The following DPY19L2 variants were observed in gnomAD, a reference collection of about 807,000 sequenced individuals.
DPY19L2 encodes the protein probable C-mannosyltransferase DPY19L2.
Under a neutral mutation model 97.9 loss-of-function variants are expected in DPY19L2, and 34 were observed. The observed-to-expected ratio is 0.35, with a 90% CI of 0.26 to 0.46. DPY19L2 has a LOEUF of 0.46. Among genes scored for constraint, DPY19L2 ranks in the 20% least tolerant of loss-of-function variants. The pLI, the probability that DPY19L2 is intolerant of heterozygous loss-of-function variation, is 1.00. For synonymous variants in DPY19L2, 230 were observed against 307.9 expected (o/e 0.75, Z 2.65); for missense variants, 623 against 911.4 (o/e 0.68, Z 4.07).
At chr12:63,560,726 C>T (rs1876326389) in intron 21 of DPY19L2, 64 bp from the exon 22 acceptor site, 1 of 1,558,856 alleles carries the variant, frequency 6.4e-7, no homozygotes, top group Non-Finnish European at 8.7e-7. Flanking sequence ...ACAATAGATA[C>T]ATAACATCTA....
At chr12:63,619,954 C>T (rs1277240710) in intron 9 of DPY19L2, 3 of 455,826 alleles carry the variant, frequency 6.6e-6, no homozygotes, top group Admixed American at 4.7e-5. Flanking sequence ...TGAAAGGGGC[C>T]AACTTTTATG....
chr12:63,640,151 T>C (rs879817729), intron 6 of DPY19L2, among the ~76,000 whole-genome samples: 2 of 151,968 alleles, frequency 1.3e-5, no homozygotes, highest in African/African-American at 2.4e-5. Flanking sequence ...AATTGAACAA[T>C]GAGAACACTT....
At chr12:63,610,867 A>C (rs1172875160) in intron 11 of DPY19L2, among the ~76,000 whole-genome samples, 9 of 102,874 alleles carry the variant, frequency 8.7e-5, no homozygotes, top group Admixed American at 3.7e-4. Context: ...AAAAAAAAAA[A>C]AAAAAAAACC....
In DPY19L2 at chr12:63,570,784, A is replaced by G; in HGVS notation, c.1974T>C (p.His658=). The G allele has an allele frequency of 3.1e-6, 5 of 1,612,372 alleles. No homozygotes were observed. The highest frequency in any genetic ancestry group is 4.2e-6 in the Non-Finnish European group (5 of 1,179,138). ...TCAAGTCTGCATCTTCGTAATGTGG[A>G]TGATTCACAATGGGATGAAGTGTAG... The part of the protein sequence containing the change: ...KLSTLHPIVN[H]PHYEDADLRA... The change falls in exon 20 of 22, where the codon CAT becomes CAC. Residue 658 remains histidine (H), a synonymous_variant. Transcript: ENST00000324472.
At position 63,580,777 on chromosome 12, in the gene DPY19L2, T is replaced by C. The variant is rs760292503; in HGVS notation, c.1785A>G (p.Thr595=). The C allele has an allele frequency of 1.9e-6, 3 of 1,613,538 alleles. No individual in the cohort carries two copies. The highest frequency in any genetic ancestry group is 3.3e-5 in the Admixed American group (2 of 59,958). Residue 595 remains threonine (T), a synonymous_variant, in exon 19 of 22, where the codon ACA becomes ACG. Transcript: ENST00000324472. ...TTGCATAACCTTGTATTGACATCACTGTTAAAATGCCAAAGATAACCTTCT... is the reference window on the plus strand; with the variant it reads ...TTGCATAACCTTGTATTGACATCACCGTTAAAATGCCAAAGATAACCTTCT... The part of the protein sequence containing the change: ...RFEKVIFGIL[T]VMSIQGYANL...
At position 63,570,742 on chromosome 12, in the gene DPY19L2, C is replaced by A. The variant is rs1258613681; in HGVS notation, c.2000+16G>T. ...TTGCCAAGTGAGTCTTGAAGAAATACTCATCAGCTGCCAACCTCAAGTCTG... is the reference window on the plus strand; with the variant it reads ...TTGCCAAGTGAGTCTTGAAGAAATAATCATCAGCTGCCAACCTCAAGTCTG... On this transcript the variant is annotated intron_variant, in intron 20 of 21. Transcript: ENST00000324472. 6.2e-7 allele frequency: 1 copy of A among 1,602,606 alleles called. No individual in the cohort carries two copies. Among genetic ancestry groups the A allele is most frequent in the Non-Finnish European group, 8.5e-7 (1 of 1,174,040 alleles).
At chr12:63,594,607 G>A (rs1273808051) in intron 15 of DPY19L2, among the ~76,000 whole-genome samples, 1 of 151,186 alleles carries the variant, frequency 6.6e-6, no homozygotes, top group Non-Finnish European at 1.5e-5. Context: ...GTGCACGTGT[G>A]TGTGTATGAA....
At chr12:63,571,061 G>GA (rs1278336322) in intron 19 of DPY19L2, among the ~76,000 whole-genome samples, 5 of 152,012 alleles carry the variant, frequency 3.3e-5, no homozygotes, top group Admixed American at 3.3e-4. Flanking sequence ...CTTGGGGCTA[G>GA]AAATTGTGCT....
At position 63,668,487 on chromosome 12, in the gene DPY19L2, A is replaced by C; in HGVS notation, c.-94T>G. 7.8e-7 allele frequency: 1 copy of C among 1,283,656 alleles called. No homozygotes were observed. Among genetic ancestry groups the C allele is most frequent in the Non-Finnish European group, 1.0e-6 (1 of 957,424 alleles). 79.5% of individuals were successfully genotyped at this position (1,283,656 alleles called of 1,614,324 possible). A position where few individuals can be genotyped will look rare whatever the true frequency, so the allele number is the denominator to read the frequency against. On this transcript the variant is annotated 5_prime_UTR_variant, in exon 1 of 22. Coordinates refer to ENST00000324472, the MANE Select transcript of DPY19L2 (RefSeq NM_173812.5). ...AGACCTGACTCGCCTGGCAGCCTCA[A>C]CGGACTTGTCCCCGCAGCCGTTGCG...
intron 21 of DPY19L2, among the ~76,000 whole-genome samples, chr12:63,563,500 G>C (rs1565687493): frequency 6.6e-6 from 1 of 152,118 alleles, no homozygotes; most frequent in African/African-American, 2.4e-5. Flanking sequence ...CTGAATGTAC[G>C]AGACTATGAT....
At chr12:63,647,699 A>T (rs1161413527) in intron 4 of DPY19L2, among the ~76,000 whole-genome samples, 1 of 152,174 alleles carries the variant, frequency 6.6e-6, no homozygotes, top group Admixed American at 6.5e-5. Flanking sequence ...TATTCTTGAA[A>T]AAGGAGGATT....
chr12:63,623,845 C>G, intron 8 of DPY19L2, 195 bp downstream of exon 8: 1 of 421,006 alleles, frequency 2.4e-6, no homozygotes, highest in Non-Finnish European at 4.5e-6. Context: ...GCTGGGATGA[C>G]AGATGCACAC....
chr12:63,645,874 T>C (rs919836511), intron 5 of DPY19L2, among the ~76,000 whole-genome samples: 1 of 152,106 alleles, frequency 6.6e-6, no homozygotes, highest in Admixed American at 6.6e-5. Flanking sequence ...AATAATGTTT[T>C]AAAATGGAAC....
intron 11 of DPY19L2, among the ~76,000 whole-genome samples, chr12:63,612,601 T>C (rs1411438145): frequency 1.2e-5 from 1 of 86,080 alleles, no homozygotes; most frequent in Non-Finnish European, 2.2e-5. Flanking sequence ...GCTTTATACC[T>C]TTAAAAAAAA....
At chr12:63,648,356 T>TA (rs1224922436) in intron 4 of DPY19L2, among the ~76,000 whole-genome samples, 1 of 149,274 alleles carries the variant, frequency 6.7e-6, no homozygotes, top group Non-Finnish European at 1.5e-5. Context: ...AAGTCAAAAG[T>TA]AAAAAAAATG....
chr12:63,617,636 A>G (rs578153452), intron 10 of DPY19L2, among the ~76,000 whole-genome samples: 3 of 152,096 alleles, frequency 2.0e-5, no homozygotes, highest in Admixed American at 6.5e-5. Context: ...AAATAAGTCT[A>G]TGATTTCTAT....
At chr12:63,617,133 C>T (rs1291604362) in intron 11 of DPY19L2, among the ~76,000 whole-genome samples, 171 bp downstream of exon 11, 4 of 152,056 alleles carry the variant, frequency 2.6e-5, no homozygotes, top group African/African-American at 9.7e-5. Flanking sequence ...AAACTTCCTA[C>T]TATAGTATTT....
At chr12:63,570,979 C>G in intron 19 of DPY19L2, 122 bp from the exon 20 acceptor site, 1 of 949,860 alleles carries the variant, frequency 1.1e-6, no homozygotes, top group South Asian at 1.8e-5. Context: ...TGACCATGGA[C>G]CTCATTCTTT....
chr12:63,640,100 G>A (rs1470915360), intron 6 of DPY19L2, among the ~76,000 whole-genome samples: 1 of 152,142 alleles, frequency 6.6e-6, no homozygotes, highest in East Asian at 1.9e-4. Context: ...CTGTCCCAAG[G>A]ACAGAAAACC....
Sources: allele counts gnomAD v4.1 joint callset (sites outside exome capture counted in the v4.1 genomes callset), GRCh38; gene constraint gnomAD v4.1.1; transcripts MANE v1.5; gene names NCBI Gene and HGNC (gene_info 2026-07-23, HGNC 2026-07-21).